The following ZWILCH variants were observed in gnomAD, a reference collection of about 807,000 sequenced individuals.
ZWILCH encodes the protein zwilch kinetochore protein, also known as protein zwilch homolog.
A neutral mutation model predicts 79.9 loss-of-function variants in ZWILCH; 74 were observed. The observed-to-expected ratio is 0.93, with a 90% confidence interval of 0.77 to 1.12. The LOEUF (loss-of-function observed/expected upper bound fraction) is 1.12. ZWILCH is among the 50% of genes most tolerant of loss of function. The pLI, the probability that ZWILCH is intolerant of heterozygous loss-of-function variation, is 0.00. For synonymous variants in ZWILCH, 241 were observed against 228.2 expected (o/e 1.06, Z -0.51); for missense variants, 694 against 687.5 (o/e 1.01, Z -0.11).
intron 4 of ZWILCH, among the ~76,000 whole-genome samples, chr15:66,518,177 T>C (rs1173113334): frequency 6.6e-6 from 1 of 152,140 alleles, no homozygotes; most frequent in Admixed American, 6.6e-5. Flanking sequence ...TGTCACTTTC[T>C]GGTGCGTGCA....
intron 17 of ZWILCH, among the ~76,000 whole-genome samples, chr15:66,545,977 T>G (rs896796428): frequency 5.3e-5 from 8 of 152,174 alleles, no homozygotes; most frequent in African/African-American, 1.9e-4. Flanking sequence ...GAGAGAAATG[T>G]GTACTTTTAG....
Position 66,515,436 on chromosome 15 carries a change from T to C in ZWILCH, c.202-90T>C, listed in dbSNP as rs564267103. 274 of 813,172 alleles carry C rather than the reference T, an allele frequency of 3.4e-4. No homozygotes were observed. The African/African-American group carries it at 4.0e-3, about 12-fold the overall frequency. The allele number at this position is 813,172 out of a possible 1,614,324, so 50.4% of individuals were successfully genotyped here. A position where few individuals can be genotyped will look rare whatever the true frequency, so the allele number is the denominator to read the frequency against. On this transcript the variant is annotated intron_variant, in intron 3 of 18. Transcript: ENST00000307897. ...GTATAAAAATAAGTACATTATGTTC[T>C]ACTTGTCATTATTCTGTAGCATAGT...
intron 4 of ZWILCH, among the ~76,000 whole-genome samples, chr15:66,515,856 C>G (rs1475836759): frequency 6.6e-6 from 1 of 152,148 alleles, no homozygotes; most frequent in Non-Finnish European, 1.5e-5. Flanking sequence ...TTCCCTTTCT[C>G]TACACCTCTA....
rs113174967 is a variant in ZWILCH at position 66,509,737 on chromosome 15, T to C, written c.105+845T>C. ...AAATAATTAGCAAACTAAAATAAAG[T>C]ATACATTAACAGACAAGCTGGGGGT... On this transcript the variant is annotated intron_variant, in intron 2 of 18. Transcript: ENST00000307897. Among the ~76,000 whole-genome samples, 309 of 133,714 alleles carry C rather than the reference T, an allele frequency of 2.3e-3. 3 individuals are homozygous for C. The highest frequency in any genetic ancestry group is 7.5e-3 in the African/African-American group (289 of 38,662). 87.7% of individuals were successfully genotyped at this position (133,714 alleles called of 152,430 possible).
At chr15:66,530,964 C>A (rs1471492280) in intron 12 of ZWILCH, among the ~76,000 whole-genome samples, 2 of 152,278 alleles carry the variant, frequency 1.3e-5, no homozygotes, top group Admixed American at 6.5e-5. Flanking sequence ...ACCTTACTAA[C>A]CTTACCATGT....
At chr15:66,520,963 TGGGA>T in intron 6 of ZWILCH, 83 bp from the exon 7 acceptor site, 1 of 1,457,564 alleles carries the variant, frequency 6.9e-7, no homozygotes, top group Non-Finnish European at 9.3e-7. Context: ...TTTTTTCTTT[TGGGA>T]CAAGGATCAA....
chr15:66,548,210 G>C lies in ZWILCH; in HGVS notation c.*27-141G>C, dbSNP rs929231533. 1.7e-5 allele frequency: 4 copies of C among 237,004 alleles called. No individual in the cohort carries two copies. In the Admixed American group the frequency reaches 2.0e-4, roughly 12 times the overall value. The allele number at this position is 237,004 out of a possible 1,614,324, so 14.7% of individuals were successfully genotyped here. A position where few individuals can be genotyped will look rare whatever the true frequency, so the allele number is the denominator to read the frequency against. ...CAAGTCACAACAGTTTGTATACTAT[G>C]ATGCCATTTTTGTAAATAATTCATA... On this transcript the variant is annotated intron_variant, in intron 18 of 18. Transcript: ENST00000307897.
rs1177761120 is a variant in ZWILCH at position 66,533,805 on chromosome 15, CCA to C, written c.1341+793_1341+794del. Among the ~76,000 whole-genome samples, 4 of 152,114 alleles carry C rather than the reference CCA, an allele frequency of 2.6e-5. No homozygotes were observed. In the East Asian group the frequency reaches 7.7e-4, roughly 29 times the overall value. ...GTGGGTTCTGCATCCATGGATTCAA[CCA>C]ACTGCAGATTGAAAATGTTTAAAAA... On this transcript the variant is annotated intron_variant, in intron 14 of 18. Transcript: ENST00000307897.
intron 11 of ZWILCH, 47 bp from the exon 12 acceptor site, chr15:66,529,447 C>A: frequency 7.6e-7 from 1 of 1,319,972 alleles, no homozygotes; most frequent in Non-Finnish European, 1.1e-6. Context: ...TATATTTGAT[C>A]TGTAGAAATA....
intron 4 of ZWILCH, among the ~76,000 whole-genome samples, chr15:66,517,725 CCT>C (rs1491112043): frequency 3.0e-5 from 3 of 100,116 alleles, no homozygotes; most frequent in Non-Finnish European, 5.6e-5. Flanking sequence ...TCTTTTCTTT[CCT>C]TTTTTTTTTT....
intron 16 of ZWILCH, among the ~76,000 whole-genome samples, chr15:66,538,098 T>C (rs191536695): frequency 1.3e-5 from 2 of 152,196 alleles, no homozygotes; most frequent in African/African-American, 2.4e-5. Context: ...AGATTGTTCA[T>C]CCACATGGAC....
intron 1 of ZWILCH, among the ~76,000 whole-genome samples, chr15:66,507,470 A>G (rs1052450033): frequency 2.0e-5 from 3 of 152,110 alleles, no homozygotes; most frequent in Non-Finnish European, 4.4e-5. Flanking sequence ...TACCCTCCAC[A>G]TTACTGTCAG....
chr15:66,509,851 A>AAT (rs1410647737), intron 2 of ZWILCH, among the ~76,000 whole-genome samples: 24 of 91,966 alleles, frequency 2.6e-4, no homozygotes, highest in South Asian at 7.3e-4. Context: ...ATATATATAT[A>AAT]TATATATATA....
chr15:66,505,722 T>C lies in ZWILCH; in HGVS notation c.53+331T>C. On this transcript the variant is annotated intron_variant, in intron 1 of 18. Transcript: ENST00000307897. ...TACGGAAAACTAGGTGTTGGCATCC[T>C]TCCCCTGTTTAAAGCCTTGTTGACT... 8.0e-6 allele frequency: 3 copies of C among 372,934 alleles called. 1 individual carries two copies. The highest frequency in any genetic ancestry group is 1.5e-5 in the Non-Finnish European group (3 of 206,150). 23.1% of individuals were successfully genotyped at this position (372,934 alleles called of 1,614,324 possible).
chr15:66,521,735 C>G (rs1367770332), intron 7 of ZWILCH, among the ~76,000 whole-genome samples: 1 of 152,030 alleles, frequency 6.6e-6, no homozygotes, highest in Non-Finnish European at 1.5e-5. Flanking sequence ...CTCAAGTGAT[C>G]CTCCCACCTC....
chr15:66,527,416 T>A, intron 9 of ZWILCH, 33 bp downstream of exon 9: 2 of 1,479,500 alleles, frequency 1.4e-6, no homozygotes, highest in Non-Finnish European at 1.9e-6. Flanking sequence ...TGAGAATTTA[T>A]ACTTGCTATG....
chr15:66,538,458 C>T (rs1206461366), intron 16 of ZWILCH, among the ~76,000 whole-genome samples: 2 of 151,916 alleles, frequency 1.3e-5, no homozygotes, highest in African/African-American at 2.4e-5. Context: ...TCTCAGCTCA[C>T]TGCAACCACA....
chr15:66,525,369 C>T (rs865917574), intron 8 of ZWILCH, among the ~76,000 whole-genome samples: 46 of 152,190 alleles, frequency 3.0e-4, no homozygotes, highest in Admixed American at 2.6e-4. Flanking sequence ...TAAAAAGTCA[C>T]AGAATCTTAG....
At chr15:66,542,873 G>A (rs936334847) in intron 17 of ZWILCH, among the ~76,000 whole-genome samples, 5 of 152,074 alleles carry the variant, frequency 3.3e-5, no homozygotes, top group Non-Finnish European at 5.9e-5. Context: ...CCTATAATAA[G>A]AGAAATGCAA....
Sources: allele counts gnomAD v4.1 joint callset (sites outside exome capture counted in the v4.1 genomes callset), GRCh38; gene constraint gnomAD v4.1.1; transcripts MANE v1.5; gene names NCBI Gene and HGNC (gene_info 2026-07-23, HGNC 2026-07-21).